The following GOLM2 variants were observed in gnomAD, a reference collection of about 807,000 sequenced individuals.
GOLM2 encodes the protein protein GOLM2.
A neutral mutation model predicts 55.9 loss-of-function variants in GOLM2; 26 were observed. The ratio of observed to expected loss-of-function variants is 0.47; its 90% CI spans 0.34 to 0.65. The LOEUF is 0.65. Among genes scored for constraint, GOLM2 ranks in the 30% least tolerant of loss-of-function variants. The pLI is 0.01. For missense variants in GOLM2, 486 were observed against 531.8 expected, an observed-to-expected ratio of 0.91 and a Z score of 0.85; for synonymous variants, 165 against 194.6, an observed-to-expected ratio of 0.85 and a Z score of 1.27.
chr15:44,312,307 G>A (rs968538160), intron 1 of GOLM2, among the ~76,000 whole-genome samples: 3 of 152,038 alleles, frequency 2.0e-5, no homozygotes, highest in Admixed American at 6.6e-5. Context: ...ATTTCTCCAG[G>A]CAACACACCC....
At chr15:44,328,881 C>CT in intron 3 of GOLM2, 94 bp downstream of exon 3, 1 of 723,008 alleles carries the variant, frequency 1.4e-6, no homozygotes, top group Non-Finnish European at 2.1e-6. Flanking sequence ...TTTTGTTTCC[C>CT]TTTTTTTCTC....
At chr15:44,296,122 C>T (rs1169960253) in intron 1 of GOLM2, among the ~76,000 whole-genome samples, 2 of 152,200 alleles carry the variant, frequency 1.3e-5, no homozygotes, top group Non-Finnish European at 2.9e-5. Flanking sequence ...GTGATCATAG[C>T]ACACCACAGC....
intron 6 of GOLM2, among the ~76,000 whole-genome samples, chr15:44,373,789 C>T (rs1052274916): frequency 1.3e-5 from 2 of 151,958 alleles, no homozygotes; most frequent in African/African-American, 4.8e-5. Context: ...CAGATCTTGG[C>T]ATATAGTAGA....
rs936136524 is a variant in GOLM2, at chr15:44,401,484, G to A, written c.1073-1403G>A. 3.9e-5 allele frequency among the ~76,000 whole-genome samples: 6 copies of A among 152,006 alleles called. No individual in the cohort carries two copies. The East Asian group carries it at 5.8e-4, about 15-fold the overall frequency. ...CCAGGCTGGTCTCAAACTCCTGGGC[G>A]TAAGCAGTCCTCCCACCTTGGCCTC... On this transcript the variant is annotated intron_variant, in intron 8 of 9. Coordinates refer to ENST00000299957, the MANE Select transcript of GOLM2 (RefSeq NM_138423.4).
At chr15:44,311,988 G>T (rs2078878274) in intron 1 of GOLM2, among the ~76,000 whole-genome samples, 1 of 152,130 alleles carries the variant, frequency 6.6e-6, no homozygotes, top group Admixed American at 6.6e-5. Flanking sequence ...TTTAAAGTTT[G>T]TGAACTTCAA....
chr15:44,364,063 G>A (rs1352741672), intron 6 of GOLM2, among the ~76,000 whole-genome samples: 1 of 151,682 alleles, frequency 6.6e-6, no homozygotes, highest in African/African-American at 2.4e-5. Context: ...GGAGCGGGGA[G>A]GGATAGCATT....
chr15:44,338,162 T>C (rs2079069605), intron 5 of GOLM2, 75 bp from the exon 6 acceptor site: 2 of 1,400,594 alleles, frequency 1.4e-6, no homozygotes, highest in African/African-American at 2.9e-5. Flanking sequence ...AGAAACTGAT[T>C]GTTACATTCC....
chr15:44,329,203 G>A (rs1418420830), intron 3 of GOLM2, among the ~76,000 whole-genome samples: 1 of 152,208 alleles, frequency 6.6e-6, no homozygotes, highest in Non-Finnish European at 1.5e-5. Context: ...TGCTCTGCAT[G>A]TCAGCCCTCT....
intron 1 of GOLM2, among the ~76,000 whole-genome samples, chr15:44,290,555 G>C (rs998223362): frequency 6.6e-6 from 1 of 152,150 alleles, no homozygotes; most frequent in African/African-American, 2.4e-5. Flanking sequence ...TGCTATGATA[G>C]GGTCAAGGAA....
intron 6 of GOLM2, among the ~76,000 whole-genome samples, chr15:44,342,366 G>A (rs1226088867): frequency 6.6e-6 from 1 of 151,960 alleles, no homozygotes; most frequent in Non-Finnish European, 1.5e-5. Context: ...CTGGGCTCAA[G>A]TGGTACTCCC....
At chr15:44,364,369 C>CA (rs948370163) in intron 6 of GOLM2, among the ~76,000 whole-genome samples, 3 of 127,760 alleles carry the variant, frequency 2.3e-5, no homozygotes, top group African/African-American at 5.8e-5. Flanking sequence ...ACCCAAAATA[C>CA]AAAAAAATTG....
intron 1 of GOLM2, among the ~76,000 whole-genome samples, chr15:44,295,868 A>C (rs1340805379): frequency 2.0e-5 from 3 of 151,374 alleles, no homozygotes; most frequent in Non-Finnish European, 2.9e-5. Flanking sequence ...CAACATGTGA[A>C]TTTGGGGGAA....
chr15:44,398,650 T>C (rs1035230427), intron 8 of GOLM2, among the ~76,000 whole-genome samples: 8 of 150,624 alleles, frequency 5.3e-5, no homozygotes, highest in African/African-American at 1.7e-4. Flanking sequence ...CAAGTGAATA[T>C]AGGAGCCTTT....
intron 6 of GOLM2, among the ~76,000 whole-genome samples, chr15:44,365,326 A>G (rs2079276522): frequency 6.6e-6 from 1 of 152,156 alleles, no homozygotes; most frequent in Non-Finnish European, 1.5e-5. Context: ...CAGGAGTTCA[A>G]GATCAGCCTT....
chr15:44,356,647 A>G (rs1439250790), intron 6 of GOLM2, among the ~76,000 whole-genome samples: 2 of 152,184 alleles, frequency 1.3e-5, no homozygotes, highest in African/African-American at 4.8e-5. Flanking sequence ...TTAAGAAGAA[A>G]CTATACCCCT....
intron 8 of GOLM2, among the ~76,000 whole-genome samples, chr15:44,394,521 T>C (rs940194313): frequency 7.9e-5 from 12 of 152,340 alleles, no homozygotes; most frequent in African/African-American, 2.4e-4. Flanking sequence ...CATCAGTGAA[T>C]AGATTGCTTC....
At chr15:44,348,969 A>G (rs1405527725) in intron 6 of GOLM2, 1 of 152,322 alleles carries the variant, frequency 6.6e-6, no homozygotes. Flanking sequence ...ACCTGTAAAG[A>G]CACACATAGG....
intron 1 of GOLM2, among the ~76,000 whole-genome samples, chr15:44,291,549 G>C (rs929490906): frequency 6.6e-6 from 1 of 152,132 alleles, no homozygotes; most frequent in Admixed American, 6.5e-5. Context: ...ACAAATGGCA[G>C]TCTTCCTAGT....
intron 6 of GOLM2, among the ~76,000 whole-genome samples, chr15:44,372,362 A>T (rs774442295): frequency 2.6e-5 from 4 of 152,118 alleles, no homozygotes; most frequent in Non-Finnish European, 2.9e-5. Context: ...GGAAATTGGA[A>T]GTCTAGACAG....
Sources: gnomAD v4.1 joint callset for allele counts (sites outside exome capture counted in the v4.1 genomes callset) on GRCh38, gnomAD v4.1.1 for gene constraint, MANE v1.5 for transcripts, NCBI Gene and HGNC (gene_info 2026-07-23, HGNC 2026-07-21) for gene names.